The following TOM1L2 variants were observed in gnomAD, a reference collection of about 807,000 sequenced individuals.
TOM1L2 encodes TOM1-like protein 2.
TOM1L2 carries 31 observed loss-of-function variants against 67.9 expected under a neutral mutation model. The ratio of observed to expected loss-of-function variants is 0.46; its 90% CI spans 0.34 to 0.62. TOM1L2 has a LOEUF of 0.62. TOM1L2 is among the 20% of genes least tolerant of loss of function. The pLI is 0.01. For synonymous variants in TOM1L2, 256 were observed against 254.0 expected (o/e 1.01, Z -0.07); for missense variants, 606 against 663.5 (o/e 0.91, Z 0.95).
intron 1 of TOM1L2, among the ~76,000 whole-genome samples, chr17:17,962,324 AT>A (rs35022332): frequency 0.45 from 65,967 of 146,130 alleles, 15,214 homozygotes; most frequent in East Asian, 0.85. Flanking sequence ...ATTGTTGCAT[AT>A]TTTTTTTTTT....
chr17:17,870,844 T>C (rs990244165), intron 7 of TOM1L2, among the ~76,000 whole-genome samples: 4 of 152,246 alleles, frequency 2.6e-5, no homozygotes, highest in African/African-American at 9.6e-5. Context: ...AGTAATCATC[T>C]GCTGAACACA....
intron 1 of TOM1L2, among the ~76,000 whole-genome samples, chr17:17,922,669 C>T (rs1018615815): frequency 4.6e-5 from 7 of 152,206 alleles, no homozygotes; most frequent in Non-Finnish European, 8.8e-5. Flanking sequence ...ATTGTACCTC[C>T]TCACAGGGTG....
At chr17:17,967,581 C>T (rs536868884) in intron 1 of TOM1L2, among the ~76,000 whole-genome samples, 5 of 152,280 alleles carry the variant, frequency 3.3e-5, no homozygotes, top group Admixed American at 1.3e-4. Flanking sequence ...TTCTTAGCCT[C>T]GCACACCATG....
chr17:17,956,107 A>C (rs8070748), intron 1 of TOM1L2, among the ~76,000 whole-genome samples: 1 of 152,042 alleles, frequency 6.6e-6, no homozygotes, highest in East Asian at 1.9e-4. Flanking sequence ...CCCCCGCACG[A>C]AAAAGGACCC....
rs538415533 is a variant in TOM1L2, at chr17:17,906,937, C to T, written c.137+510G>A. On this transcript the variant is annotated intron_variant, in intron 2 of 14. Transcript: ENST00000379504. ...AGGATTCAGGAAATAACAACAGGAACGGATCCAGCAGTGCAGGAATGCAGG... is the reference window on the plus strand; with the variant it reads ...AGGATTCAGGAAATAACAACAGGAATGGATCCAGCAGTGCAGGAATGCAGG... 3.9e-5 allele frequency among the ~76,000 whole-genome samples: 6 copies of T among 152,342 alleles called. No homozygotes were observed. The South Asian group carries it at 8.3e-4, about 21-fold the overall frequency.
At chr17:17,920,823 C>T (rs914417404) in intron 1 of TOM1L2, among the ~76,000 whole-genome samples, 11 of 147,078 alleles carry the variant, frequency 7.5e-5, no homozygotes, top group East Asian at 2.1e-4. Flanking sequence ...TTAGTAGAGA[C>T]GGGGGTTTCA....
rs2143366097 is a variant in TOM1L2, at chr17:17,844,974, G to A, written c.*2661C>T. ...GAGGCTGGTGGGCCTTGAGAGTCCA[G>A]GTTTCCTGACAGAGCCGCACCCCCT... is the stretch of plus-strand genomic sequence containing the variant. On this transcript the variant is annotated 3_prime_UTR_variant, in exon 15 of 15. Coordinates refer to ENST00000379504, the MANE Select transcript of TOM1L2 (RefSeq NM_001082968.2). The A allele has an allele frequency of 6.6e-6, 1 of 152,622 alleles. No individual in the cohort carries two copies. Among genetic ancestry groups the A allele is most frequent in the South Asian group, 2.1e-4 (1 of 4,834 alleles). 9.5% of individuals were successfully genotyped at this position (152,622 alleles called of 1,614,324 possible).
rs115046828 is a variant in TOM1L2 at position 17,870,096 on chromosome 17, G to C, written c.778-623C>G. ...TGACATCAGTTTACTTACACTTCCA[G>C]CAACAGCAGGAGTGTATTTTATGAC... On this transcript the variant is annotated intron_variant, in intron 7 of 14. Transcript: ENST00000379504. Among the ~76,000 whole-genome samples, 1,138 of 152,268 alleles carry C rather than the reference G, an allele frequency of 7.5e-3. 14 individuals are homozygous for C. The highest frequency in any genetic ancestry group is 0.026 in the African/African-American group (1,094 of 41,532).
intron 6 of TOM1L2, among the ~76,000 whole-genome samples, chr17:17,882,301 G>A (rs1303059503): frequency 6.6e-6 from 1 of 152,152 alleles, no homozygotes; most frequent in East Asian, 1.9e-4. Context: ...TCCCAGATCT[G>A]GGCCCTACAT....
chr17:17,889,399 G>A (rs1427946211), intron 4 of TOM1L2, among the ~76,000 whole-genome samples: 1 of 152,198 alleles, frequency 6.6e-6, no homozygotes, highest in Non-Finnish European at 1.5e-5. Context: ...ATGCACGGAT[G>A]AGCTCTATCA....
intron 4 of TOM1L2, among the ~76,000 whole-genome samples, chr17:17,886,791 T>C (rs552163227): frequency 5.9e-5 from 9 of 152,230 alleles, no homozygotes; most frequent in Non-Finnish European, 1.3e-4. Flanking sequence ...CTTCTTCGGG[T>C]CCACTTTCTA....
At chr17:17,868,097 G>C (rs1028217418) in intron 8 of TOM1L2, among the ~76,000 whole-genome samples, 1 of 152,164 alleles carries the variant, frequency 6.6e-6, no homozygotes, top group African/African-American at 2.4e-5. Flanking sequence ...GCTTAAATAG[G>C]TTTAATAGGT....
intron 1 of TOM1L2, among the ~76,000 whole-genome samples, chr17:17,913,305 A>T: frequency 6.8e-6 from 1 of 147,958 alleles, no homozygotes; most frequent in Non-Finnish European, 1.5e-5. Context: ...AGCTTCATCC[A>T]TGCTGAGCTG....
chr17:17,843,828 G>A lies in TOM1L2; in HGVS notation c.*3807C>T, dbSNP rs2035506334. ...TCCCCCTCTCCGGGAGAGCCTGGAG[G>A]TATGGACAGACAGAAGCAGTTCTGA... On this transcript the variant is annotated 3_prime_UTR_variant, in exon 15 of 15. Transcript: ENST00000379504. 1 of 152,568 alleles carries A rather than the reference G, an allele frequency of 6.6e-6. No homozygotes were observed. The highest frequency in any genetic ancestry group is 1.9e-4 in the East Asian group (1 of 5,184). The allele number at this position is 152,568 out of a possible 1,614,324, so 9.5% of individuals were successfully genotyped here. A position where few individuals can be genotyped will look rare whatever the true frequency, so the allele number is the denominator to read the frequency against.
intron 1 of TOM1L2, among the ~76,000 whole-genome samples, chr17:17,944,266 G>A (rs1305695676): frequency 2.0e-5 from 3 of 152,214 alleles, no homozygotes; most frequent in African/African-American, 7.2e-5. Context: ...AGGACGGCAG[G>A]ATGCTGAGCA....
chr17:17,903,066 C>T (rs760525091), intron 2 of TOM1L2, among the ~76,000 whole-genome samples: 1 of 152,158 alleles, frequency 6.6e-6, no homozygotes, highest in Non-Finnish European at 1.5e-5. Context: ...CTGTAAGACT[C>T]CAGTCTGGTG....
chr17:17,941,486 A>C (rs1327547041), intron 1 of TOM1L2, among the ~76,000 whole-genome samples: 1 of 152,164 alleles, frequency 6.6e-6, no homozygotes, highest in Non-Finnish European at 1.5e-5. Context: ...AAAGCTGAGA[A>C]TCATCATTAC....
chr17:17,920,585 G>A (rs575566265), intron 1 of TOM1L2, among the ~76,000 whole-genome samples: 9 of 149,564 alleles, frequency 6.0e-5, no homozygotes, highest in African/African-American at 2.0e-4. Context: ...TGATCCACCC[G>A]CCTTGGCCTC....
intron 1 of TOM1L2, among the ~76,000 whole-genome samples, chr17:17,949,317 C>G (rs1207528260): frequency 2.6e-5 from 4 of 152,178 alleles, no homozygotes; most frequent in Non-Finnish European, 4.4e-5. Context: ...CACGGCAGAG[C>G]ATAGAGCATA....
Sources: allele counts gnomAD v4.1 joint callset (sites outside exome capture counted in the v4.1 genomes callset), GRCh38; gene constraint gnomAD v4.1.1; transcripts MANE v1.5; gene names NCBI Gene and HGNC (gene_info 2026-07-23, HGNC 2026-07-21).